THEMIS: variants seen among roughly 807,000 people sequenced by gnomAD.
THEMIS encodes protein THEMIS.
Under a neutral mutation model 52.6 loss-of-function variants are expected in THEMIS, and 37 were observed. The observed-to-expected ratio is 0.70, with a 90% CI of 0.54 to 0.93. The LOEUF is 0.93. THEMIS is among the 40% of genes least tolerant of loss of function. The probability of loss-of-function intolerance (pLI) is 0.00; values close to 1 mark genes in which losing one functional copy is unlikely to be tolerated. For missense variants in THEMIS, 808 were observed against 763.1 expected (o/e 1.06, Z -0.69); for synonymous variants, 292 against 272.7 (o/e 1.07, Z -0.70).
intron 4 of THEMIS, among the ~76,000 whole-genome samples, chr6:127,761,269 C>G (rs1776012115): frequency 1.3e-5 from 2 of 152,092 alleles, no homozygotes; most frequent in Non-Finnish European, 2.9e-5. Flanking sequence ...TGCAAAGGTA[C>G]AGCTGAGACA....
chr6:127,879,959 C>T (rs752909668), intron 1 of THEMIS, among the ~76,000 whole-genome samples: 14 of 152,168 alleles, frequency 9.2e-5, no homozygotes, highest in Non-Finnish European at 2.1e-4. Flanking sequence ...ACTCCTCCCC[C>T]GGGTGTAGCC....
chr6:127,897,140 A>G (rs1780992147), intron 1 of THEMIS, among the ~76,000 whole-genome samples: 1 of 151,438 alleles, frequency 6.6e-6, no homozygotes, highest in South Asian at 2.1e-4. Flanking sequence ...ACTTCAAACC[A>G]TATACAAAAA....
intron 2 of THEMIS, among the ~76,000 whole-genome samples, chr6:127,852,398 A>C (rs1779458964): frequency 6.6e-6 from 1 of 151,588 alleles, no homozygotes; most frequent in Admixed American, 6.6e-5. Context: ...ACATCTGTAG[A>C]ACACTTACCC....
At chr6:127,895,695 A>T (rs1780944063) in intron 1 of THEMIS, among the ~76,000 whole-genome samples, 2 of 151,504 alleles carry the variant, frequency 1.3e-5, no homozygotes, top group Non-Finnish European at 3.0e-5. Flanking sequence ...GGATAAAAAG[A>T]CTTTACTATT....
At chr6:127,915,586 A>AAGAGAG (rs34353449) in intron 1 of THEMIS, among the ~76,000 whole-genome samples, 10,633 of 140,212 alleles carry the variant, frequency 0.076, 521 homozygotes, top group Non-Finnish European at 0.11. Flanking sequence ...GTCAGAGAGA[A>AAGAGAG]AGAGAGAGAG....
the THEMIS span, among the ~76,000 whole-genome samples, chr6:127,703,035 G>GGTTTTTTTTTTTTTTTTTTTTTTT: frequency 2.2e-4 from 18 of 82,384 alleles, 4 homozygotes; most frequent in Admixed American, 3.2e-4. Context: ...TTTAGAATGA[G>GGTTTTTTTTTTTTTTTTTTTTTTT]TTTTTTTTTT....
chr6:127,819,302 A>G (rs1270985517), intron 3 of THEMIS, among the ~76,000 whole-genome samples: 1 of 151,990 alleles, frequency 6.6e-6, no homozygotes, highest in African/African-American at 2.4e-5. Context: ...AAAATAGAAC[A>G]TAATATAATA....
chr6:127,769,903 C>G (rs1178479215), intron 4 of THEMIS, among the ~76,000 whole-genome samples: 3 of 152,122 alleles, frequency 2.0e-5, no homozygotes, highest in Non-Finnish European at 4.4e-5. Flanking sequence ...ATAGTTTGCT[C>G]AGAATGATGG....
At chr6:127,877,402 A>T (rs1273455473) in intron 1 of THEMIS, among the ~76,000 whole-genome samples, 1 of 152,188 alleles carries the variant, frequency 6.6e-6, no homozygotes, top group East Asian at 1.9e-4. Context: ...TTGGCTTTTG[A>T]CGTTCCTTCC....
intron 5 of THEMIS, among the ~76,000 whole-genome samples, chr6:127,715,164 T>A (rs924631733): frequency 6.6e-6 from 1 of 151,920 alleles, no homozygotes; most frequent in African/African-American, 2.4e-5. Flanking sequence ...CATTTTTCTT[T>A]AGGGTGTCAG....
intron 4 of THEMIS, among the ~76,000 whole-genome samples, chr6:127,774,807 G>A (rs552560444): frequency 1.3e-5 from 2 of 152,284 alleles, no homozygotes; most frequent in South Asian, 4.1e-4. Context: ...TGTAAATCAA[G>A]TCAAGCTGCT....
At chr6:127,874,605 T>C (rs1780258347) in intron 1 of THEMIS, among the ~76,000 whole-genome samples, 1 of 152,174 alleles carries the variant, frequency 6.6e-6, no homozygotes, top group Non-Finnish European at 1.5e-5. Flanking sequence ...AAAATCTGCA[T>C]ATAAGTGGAC....
Position 127,812,988 on chromosome 6 carries a change from T to C in THEMIS, c.1653A>G (p.Ser551=). 3 of 1,614,096 alleles carry C rather than the reference T, an allele frequency of 1.9e-6. No individual in the cohort carries two copies. The highest frequency in any genetic ancestry group is 2.5e-6 in the Non-Finnish European group (3 of 1,180,000). ...YMMRRYESSA[S]HPPPRPPKHP... ...GTTTCGGAGGGCGAGGTGGGGGATG[T>C]GAGGCTGAGCTTTCATATCTCCGCA... The change falls in exon 4 of 6, where the codon TCA becomes TCG. Residue 551 remains serine (S), a synonymous_variant. Transcript: ENST00000368248.
chr6:127,820,402 T>C (rs1467922327), intron 3 of THEMIS, among the ~76,000 whole-genome samples: 4 of 151,892 alleles, frequency 2.6e-5, no homozygotes, highest in Non-Finnish European at 5.9e-5. Context: ...GAAGGGAAAT[T>C]GAGAATAGTC....
chr6:127,812,809 A>C (rs113718221), intron 4 of THEMIS, 74 bp downstream of exon 4: 1 of 1,430,982 alleles, frequency 7.0e-7, no homozygotes, highest in Non-Finnish European at 9.5e-7. Flanking sequence ...AGCAAAACAC[A>C]CTCAGAAAAG....
chr6:127,886,579 T>C (rs1780652040), intron 1 of THEMIS, among the ~76,000 whole-genome samples: 1 of 152,112 alleles, frequency 6.6e-6, no homozygotes, highest in Non-Finnish European at 1.5e-5. Flanking sequence ...GTCTGACATT[T>C]GTAGGGGCTG....
chr6:127,877,231 T>C (rs1780341048), intron 1 of THEMIS, among the ~76,000 whole-genome samples: 1 of 152,208 alleles, frequency 6.6e-6, no homozygotes, highest in Non-Finnish European at 1.5e-5. Flanking sequence ...TGATCTTCTA[T>C]TCACACCACT....
intron 3 of THEMIS, among the ~76,000 whole-genome samples, chr6:127,821,649 T>A (rs1778345029): frequency 6.6e-6 from 1 of 151,742 alleles, no homozygotes; most frequent in South Asian, 2.1e-4. Flanking sequence ...TGAATGCTAA[T>A]CATAATGTGG....
At chr6:127,897,501 C>A (rs1377018425) in intron 1 of THEMIS, among the ~76,000 whole-genome samples, 1 of 151,076 alleles carries the variant, frequency 6.6e-6, no homozygotes, top group East Asian at 1.9e-4. Flanking sequence ...ACCACCTCTG[C>A]AAAAAAGAGT....
Sources: allele counts gnomAD v4.1 joint callset (sites outside exome capture counted in the v4.1 genomes callset), GRCh38; gene constraint gnomAD v4.1.1; transcripts MANE v1.5; gene names NCBI Gene and HGNC (gene_info 2026-07-23, HGNC 2026-07-21).